CACNA1E: variants seen among roughly 807,000 people sequenced by gnomAD.
CACNA1E encodes the protein voltage-dependent R-type calcium channel subunit alpha-1E.
A neutral mutation model predicts 259.2 loss-of-function variants in CACNA1E; 40 were observed. The observed-to-expected ratio is 0.15, with a 90% CI of 0.12 to 0.20. CACNA1E has a LOEUF of 0.20. CACNA1E is among the 10% of genes least tolerant of loss of function. The probability of loss-of-function intolerance (pLI) is 1.00; values close to 1 mark genes in which losing one functional copy is unlikely to be tolerated. For missense variants in CACNA1E, 1,874 were observed against 3,040.1 expected (o/e 0.62, Z 9.02); for synonymous variants, 1,104 against 1,138.5 (o/e 0.97, Z 0.61).
At chr1:181,512,397 G>C (rs1327140890) in intron 3 of CACNA1E, among the ~76,000 whole-genome samples, 1 of 152,166 alleles carries the variant, frequency 6.6e-6, no homozygotes, top group Non-Finnish European at 1.5e-5. Context: ...CAACTGCTTG[G>C]CAGACAGGGT....
At chr1:181,725,454 G>C (rs1654813874) in intron 17 of CACNA1E, among the ~76,000 whole-genome samples, 2 of 152,214 alleles carry the variant, frequency 1.3e-5, no homozygotes, top group Non-Finnish European at 1.5e-5. Context: ...AATAACGTCT[G>C]TGAAAACCAT....
chr1:181,491,469 GC>G (rs1664310483), intron 1 of CACNA1E, among the ~76,000 whole-genome samples: 1 of 152,218 alleles, frequency 6.6e-6, no homozygotes, highest in East Asian at 1.9e-4. Context: ...TGGACATCAT[GC>G]TTTGAGAACC....
upstream of CACNA1E, chr1:181,483,504 T>G: frequency 3.2e-6 from 1 of 314,554 alleles, no homozygotes. Context: ...CTTTTTTCTT[T>G]TTTTTTTTTT....
intron 7 of CACNA1E, among the ~76,000 whole-genome samples, chr1:181,698,257 TTTGAG>T: frequency 6.6e-6 from 1 of 152,326 alleles, no homozygotes; most frequent in Middle Eastern, 3.4e-3. Context: ...AAATGTCTGA[TTTGAG>T]TTAATATTTC....
At chr1:181,484,034 C>T in intron 1 of CACNA1E, 24 bp downstream of exon 1, 2 of 1,605,736 alleles carry the variant, frequency 1.2e-6, no homozygotes, top group Non-Finnish European at 8.5e-7. Flanking sequence ...CCCACCATAA[C>T]TCCCTCTCCC....
chr1:181,479,409 A>G (rs747011771), upstream of CACNA1E, among the ~76,000 whole-genome samples: 3 of 152,208 alleles, frequency 2.0e-5, no homozygotes, highest in Non-Finnish European at 2.9e-5. Flanking sequence ...GATGGTCTTC[A>G]GACTGGTTTC....
intron 1 of CACNA1E, among the ~76,000 whole-genome samples, chr1:181,341,262 C>T (rs1044215899): frequency 2.6e-5 from 4 of 152,178 alleles, no homozygotes. Context: ...GAGCACGCCC[C>T]ACAGCCCGGC....
chr1:181,646,163 C>G (rs1658246646), intron 6 of CACNA1E, among the ~76,000 whole-genome samples: 1 of 152,280 alleles, frequency 6.6e-6, no homozygotes, highest in Non-Finnish European at 1.5e-5. Flanking sequence ...CAACCCTCTC[C>G]TGGCCTGAGC....
chr1:181,539,114 C>A (rs150786472), intron 3 of CACNA1E, among the ~76,000 whole-genome samples: 32 of 152,308 alleles, frequency 2.1e-4, no homozygotes, highest in African/African-American at 7.7e-4. Context: ...CCAACCCTGC[C>A]ATCCCTCTGG....
intron 37 of CACNA1E, among the ~76,000 whole-genome samples, chr1:181,774,861 AC>A (rs1364862986): frequency 1.2e-4 from 18 of 152,136 alleles, no homozygotes; most frequent in Admixed American, 1.3e-4. Context: ...ATCAGGCAGG[AC>A]CCTTTCACTT....
rs1369130783 is a variant in CACNA1E, at chr1:181,805,066, T to C, written c.*6232T>C. On this transcript the variant is annotated 3_prime_UTR_variant, in exon 48 of 48. Transcript: ENST00000367573. ...CCCAGACATATTCTCCAACCCAGCA[T>C]TGGAAATCTGAACGAATCTTTTCTC... 3.3e-5 allele frequency: 5 copies of C among 152,058 alleles called. No homozygotes were observed. Among genetic ancestry groups the C allele is most frequent in the East Asian group, 3.9e-4 (2 of 5,188 alleles). The allele number at this position is 152,058 out of a possible 1,614,324, so 9.4% of individuals were successfully genotyped here. A position where few individuals can be genotyped will look rare whatever the true frequency, so the allele number is the denominator to read the frequency against.
At chr1:181,486,760 G>A (rs941010146) in intron 1 of CACNA1E, among the ~76,000 whole-genome samples, 1 of 152,288 alleles carries the variant, frequency 6.6e-6, no homozygotes, top group African/African-American at 2.4e-5. Context: ...ATCACTAGTT[G>A]TTATTATTAA....
chr1:181,467,466 G>A (rs1174915311), intron 2 of CACNA1E, among the ~76,000 whole-genome samples: 15 of 152,148 alleles, frequency 9.9e-5, no homozygotes, highest in Admixed American at 9.2e-4. Flanking sequence ...AGTGTCAGGA[G>A]AAATCCTATT....
At chr1:181,778,737 G>A (rs1385976135) in intron 38 of CACNA1E, among the ~76,000 whole-genome samples, 2 of 152,192 alleles carry the variant, frequency 1.3e-5, no homozygotes, top group African/African-American at 4.8e-5. Context: ...GCTGTTGGCT[G>A]AGTGGCAGAA....
intron 38 of CACNA1E, among the ~76,000 whole-genome samples, chr1:181,779,768 T>C (rs2102814350): frequency 6.6e-6 from 1 of 151,806 alleles, no homozygotes; most frequent in African/African-American, 2.4e-5. Context: ...AAGACCAGTG[T>C]GATCGCTCTC....
chr1:181,363,554 G>A (rs996443846), intron 1 of CACNA1E, among the ~76,000 whole-genome samples: 1 of 152,210 alleles, frequency 6.6e-6, no homozygotes, highest in South Asian at 2.1e-4. Flanking sequence ...AAGTAGGGGT[G>A]CAATTTCAGG....
chr1:181,738,222 C>G, intron 23 of CACNA1E, 145 bp from the exon 24 acceptor site: 2 of 715,114 alleles, frequency 2.8e-6, no homozygotes, highest in Non-Finnish European at 5.1e-6. Context: ...GCTAGTGGCT[C>G]TAATTCCAAG....
intron 6 of CACNA1E, among the ~76,000 whole-genome samples, chr1:181,621,040 T>C (rs538341110): frequency 1.3e-5 from 2 of 152,338 alleles, no homozygotes; most frequent in African/African-American, 2.4e-5. Context: ...GGAAAGTTTA[T>C]TTGGCTGATG....
chr1:181,590,160 A>C (rs1652485815), intron 6 of CACNA1E, among the ~76,000 whole-genome samples: 1 of 152,048 alleles, frequency 6.6e-6, no homozygotes. Flanking sequence ...GTTGATTGAC[A>C]TGTGTGCCCT....
Sources: gnomAD v4.1 joint callset for allele counts (sites outside exome capture counted in the v4.1 genomes callset) on GRCh38, gnomAD v4.1.1 for gene constraint, MANE v1.5 for transcripts, NCBI Gene and HGNC (gene_info 2026-07-23, HGNC 2026-07-21) for gene names.